The following PRDM16 variants were observed in gnomAD, a reference collection of about 807,000 sequenced individuals.
PRDM16 encodes the protein PR/SET domain 16, also known as histone-lysine N-methyltransferase PRDM16.
Under a neutral mutation model 110.6 loss-of-function variants are expected in PRDM16, and 23 were observed. The observed-to-expected ratio is 0.21, with a 90% CI of 0.15 to 0.29. PRDM16 has a LOEUF of 0.29. PRDM16 is among the 10% of genes least tolerant of loss of function. The pLI, the probability that PRDM16 is intolerant of heterozygous loss-of-function variation, is 1.00. For synonymous variants in PRDM16, 799 were observed against 781.8 expected (o/e 1.02, Z -0.37); for missense variants, 1,615 against 1,794.3 (o/e 0.90, Z 1.81).
chr1:3,432,196 C>G, intron 16 of PRDM16, 56 bp downstream of exon 16: 1 of 1,510,236 alleles, frequency 6.6e-7, no homozygotes, highest in Middle Eastern at 1.9e-4. Flanking sequence ...AGCCAGAGGA[C>G]AGCCAGCACT....
intron 8 of PRDM16, among the ~76,000 whole-genome samples, chr1:3,407,055 G>C (rs1643574706): frequency 6.6e-6 from 1 of 152,250 alleles, no homozygotes. Flanking sequence ...CCTGGCTCCT[G>C]GCCCCCGGCT....
intron 1 of PRDM16, among the ~76,000 whole-genome samples, chr1:3,109,235 C>T (rs1642732997): frequency 6.6e-6 from 1 of 152,176 alleles, no homozygotes; most frequent in Non-Finnish European, 1.5e-5. Context: ...GCTAAGTGTG[C>T]TGATCCGGTC....
intron 1 of PRDM16, among the ~76,000 whole-genome samples, chr1:3,097,457 G>A (rs573735165): frequency 1.6e-4 from 24 of 152,326 alleles, no homozygotes; most frequent in African/African-American, 4.3e-4. Context: ...GCGTCTCCCC[G>A]CAGGTGAATG....
intron 2 of PRDM16, among the ~76,000 whole-genome samples, chr1:3,217,211 C>A (rs1569862751): frequency 6.6e-6 from 1 of 152,276 alleles, no homozygotes; most frequent in African/African-American, 2.4e-5. Context: ...GCAGTGATTT[C>A]TCTTCCCTGG....
At chr1:3,138,039 G>A (rs1198089734) in intron 1 of PRDM16, among the ~76,000 whole-genome samples, 2 of 152,230 alleles carry the variant, frequency 1.3e-5, no homozygotes, top group African/African-American at 4.8e-5. Flanking sequence ...TGTCCTGCTG[G>A]GAGTTGGAAT....
In PRDM16 at chr1:3,148,097, C is replaced by T. The variant is rs558417510; in HGVS notation, c.38-38028C>T. Among the ~76,000 whole-genome samples, 2 of 152,210 alleles carry T rather than the reference C, an allele frequency of 1.3e-5. No homozygotes were observed. The highest frequency in any genetic ancestry group is 1.9e-4 in the East Asian group (1 of 5,172). ...CGTCTTCTCTCGGGGGCCCTCTGTC[C>T]GCCTCAGTTGCAGGTGGTGGGGTGT... On this transcript the variant is annotated intron_variant, in intron 1 of 16. Coordinates refer to ENST00000270722, the MANE Select transcript of PRDM16 (RefSeq NM_022114.4). The surrounding 1 kb of genome is among the most constrained non-coding windows in gnomAD (Gnocchi z 5.0).
chr1:3,371,312 C>A (rs1405153798), intron 3 of PRDM16, among the ~76,000 whole-genome samples: 3 of 151,750 alleles, frequency 2.0e-5, no homozygotes, highest in Non-Finnish European at 4.4e-5. Context: ...TCCATCCATG[C>A]ATCCATTGAA....
At chr1:3,371,737 G>A (rs1433144288) in intron 3 of PRDM16, among the ~76,000 whole-genome samples, 2 of 152,246 alleles carry the variant, frequency 1.3e-5, no homozygotes, top group African/African-American at 4.8e-5. Flanking sequence ...AAGGTGCATG[G>A]CGCTGGTCCT....
chr1:3,271,536 G>A (rs1640455100), intron 3 of PRDM16, among the ~76,000 whole-genome samples: 1 of 152,208 alleles, frequency 6.6e-6, no homozygotes, highest in African/African-American at 2.4e-5. Flanking sequence ...CTGACCCTGT[G>A]AGCTGCCCTT....
chr1:3,383,740 A>G (rs1028950695), intron 3 of PRDM16, among the ~76,000 whole-genome samples: 3 of 152,022 alleles, frequency 2.0e-5, no homozygotes, highest in Non-Finnish European at 2.9e-5. Context: ...CACTGTTTTC[A>G]CTTGGACAGG....
intron 3 of PRDM16, among the ~76,000 whole-genome samples, chr1:3,271,906 C>T (rs549557636): frequency 1.3e-5 from 2 of 152,302 alleles, no homozygotes; most frequent in East Asian, 1.9e-4. Flanking sequence ...CCACCCTCAC[C>T]GTCTGTCTTG....
At chr1:3,216,454 A>G (rs1209506826) in intron 2 of PRDM16, among the ~76,000 whole-genome samples, 2 of 152,176 alleles carry the variant, frequency 1.3e-5, no homozygotes, top group East Asian at 1.9e-4. Flanking sequence ...GCCTTCCCCA[A>G]TATGGCCTGC....
At chr1:3,276,123 G>A (rs564214911) in intron 3 of PRDM16, among the ~76,000 whole-genome samples, 1 of 152,350 alleles carries the variant, frequency 6.6e-6, no homozygotes, top group Non-Finnish European at 1.5e-5. Flanking sequence ...GGGCTTCAAG[G>A]GGGGAGAAAC....
chr1:3,193,092 G>A (rs940087168), intron 2 of PRDM16, among the ~76,000 whole-genome samples: 12 of 152,050 alleles, frequency 7.9e-5, no homozygotes, highest in African/African-American at 9.7e-5. Flanking sequence ...CAGACGCAGC[G>A]GCCAGACGGC....
At chr1:3,384,114 C>T (rs958758895) in intron 3 of PRDM16, among the ~76,000 whole-genome samples, 7 of 151,904 alleles carry the variant, frequency 4.6e-5, no homozygotes, top group Admixed American at 3.3e-4. Flanking sequence ...CACAGCTGCC[C>T]ACCCACATAC....
chr1:3,109,734 C>T (rs1360307547), intron 1 of PRDM16, among the ~76,000 whole-genome samples: 1 of 152,192 alleles, frequency 6.6e-6, no homozygotes, highest in Non-Finnish European at 1.5e-5. Context: ...TGAAAGCAAA[C>T]GAGTATGGGA....
intron 1 of PRDM16, among the ~76,000 whole-genome samples, chr1:3,120,191 T>C (rs759299164): frequency 6.6e-6 from 1 of 152,088 alleles, no homozygotes; most frequent in Non-Finnish European, 1.5e-5. Context: ...TCCAAGTAAT[T>C]AAGGCGATGG....
In PRDM16 at chr1:3,330,472, G is replaced by A. The variant is rs868318983; in HGVS notation, c.439-54680G>A. On this transcript the variant is annotated intron_variant, in intron 3 of 16. Transcript: ENST00000270722. ...ACAGAGAGCAGAGGCCTCACATGGC[G>A]CCCATTCTCTTCTGCTCTTCTTCCC... is the stretch of plus-strand genomic sequence containing the variant. Among the ~76,000 whole-genome samples the A allele has an allele frequency of 1.1e-4, 17 of 152,302 alleles. No homozygotes were observed. In the South Asian group the frequency reaches 3.1e-3, roughly 28 times the overall value.
At chr1:3,193,992 T>C (rs1638387346) in intron 2 of PRDM16, among the ~76,000 whole-genome samples, 1 of 152,178 alleles carries the variant, frequency 6.6e-6, no homozygotes, top group Non-Finnish European at 1.5e-5. Flanking sequence ...CACACCCCTC[T>C]GGCATCAGGC....
Sources: allele counts gnomAD v4.1 joint callset (sites outside exome capture counted in the v4.1 genomes callset), GRCh38; gene constraint gnomAD v4.1.1; non-coding constraint Gnocchi (gnomAD v3.1); transcripts MANE v1.5; gene names NCBI Gene and HGNC (gene_info 2026-07-23, HGNC 2026-07-21).